Variants in LRP2 observed in about 807,000 individuals in gnomAD.
LRP2 encodes low-density lipoprotein receptor-related protein 2.
LRP2 carries 172 observed loss-of-function variants against 531.0 expected under a neutral mutation model. The observed-to-expected ratio is 0.32, with a 90% CI of 0.29 to 0.37. The LOEUF (loss-of-function observed/expected upper bound fraction) is 0.37. Among genes scored for constraint, LRP2 ranks in the 10% least tolerant of loss-of-function variants. The pLI, the probability that LRP2 is intolerant of heterozygous loss-of-function variation, is 1.00. For synonymous variants in LRP2, 1,992 were observed against 2,027.6 expected, an observed-to-expected ratio of 0.98 and a Z score of 0.47; for missense variants, 5,167 against 5,868.3, an observed-to-expected ratio of 0.88 and a Z score of 3.90.
In LRP2 at chr2:169,202,764, C is replaced by G; in HGVS notation, c.8201G>C (p.Ser2734Thr). 6.2e-7 allele frequency: 1 copy of G among 1,614,214 alleles called. No homozygotes were observed. The highest frequency in any genetic ancestry group is 8.5e-7 in the Non-Finnish European group (1 of 1,180,036). The change falls in exon 43 of 79, where the codon AGT becomes ACT. Residue 2734 changes from serine to threonine, a missense_variant. Coordinates refer to ENST00000649046, the MANE Select transcript of LRP2 (RefSeq NM_004525.3). The part of the protein sequence containing the change: ...DCGDGSDEME[S>T]VCALHTCSPT... Reference sequence around the variant, plus strand: ...CCAAGAGTCCAACTCACCACAGACACTTTCCATCTCATCACTGCCATCCCC... The same window carrying G: ...CCAAGAGTCCAACTCACCACAGACAGTTTCCATCTCATCACTGCCATCCCC...
At chr2:169,331,994 TAGAC>T (rs997040959) in intron 1 of LRP2, among the ~76,000 whole-genome samples, 3 of 152,242 alleles carry the variant, frequency 2.0e-5, no homozygotes, top group African/African-American at 4.8e-5. Context: ...CTAGCATTGA[TAGAC>T]AGCATCAAAT....
At chr2:169,312,346 G>T (rs867355437) in intron 3 of LRP2, among the ~76,000 whole-genome samples, 3 of 152,154 alleles carry the variant, frequency 2.0e-5, no homozygotes, top group Admixed American at 6.5e-5. Context: ...GGTACCAGTT[G>T]TTCCTTTCCA....
rs866804038 is a variant in LRP2 at position 169,360,153 on chromosome 2, G to A, written c.79+2168C>T. Among the ~76,000 whole-genome samples the A allele has an allele frequency of 2.3e-3, 305 of 131,796 alleles. 1 individual carries two copies. The highest frequency in any genetic ancestry group is 7.7e-3 in the Middle Eastern group (2 of 260). 86.5% of individuals were successfully genotyped at this position (131,796 alleles called of 152,430 possible). ...CAAAAAAAAAAAAAAAAAAAAGAGAGAGAGAGAGAGAGAAAACCAGACACT... is the reference window on the plus strand; with the variant it reads ...CAAAAAAAAAAAAAAAAAAAAGAGAAAGAGAGAGAGAGAAAACCAGACACT... On this transcript the variant is annotated intron_variant, in intron 1 of 78. Transcript: ENST00000649046.
chr2:169,248,358 T>A (rs184305634), intron 19 of LRP2, among the ~76,000 whole-genome samples: 1 of 152,370 alleles, frequency 6.6e-6, no homozygotes, highest in African/African-American at 2.4e-5. Flanking sequence ...AAATTTTATT[T>A]GACCAATTTC....
chr2:169,138,806 C>T (rs1685613766), intron 74 of LRP2, 100 bp from the exon 75 acceptor site: 2 of 1,318,290 alleles, frequency 1.5e-6, no homozygotes, highest in Non-Finnish European at 2.2e-6. Flanking sequence ...CTCCACATTG[C>T]CAAATCTTCC....
intron 1 of LRP2, among the ~76,000 whole-genome samples, chr2:169,353,465 C>A (rs1446441977): frequency 9.2e-5 from 14 of 152,134 alleles, no homozygotes; most frequent in Admixed American, 9.2e-4. Flanking sequence ...TTTTTACTCA[C>A]ATAAGCCAAG....
At chr2:169,320,710 A>G (rs1026550847) in intron 2 of LRP2, 67 bp downstream of exon 2, 25 of 1,300,778 alleles carry the variant, frequency 1.9e-5, no homozygotes, top group Non-Finnish European at 2.5e-5. Context: ...TCTTTGTTAC[A>G]GCTGAAATCA....
chr2:169,274,715 A>C (rs1683506852), intron 14 of LRP2, among the ~76,000 whole-genome samples: 1 of 152,180 alleles, frequency 6.6e-6, no homozygotes, highest in Non-Finnish European at 1.5e-5. Flanking sequence ...CTTTCCCAGT[A>C]GAATGAGGAT....
At chr2:169,203,808 A>T (rs1474771070) in intron 42 of LRP2, among the ~76,000 whole-genome samples, 174 bp downstream of exon 42, 1 of 152,212 alleles carries the variant, frequency 6.6e-6, no homozygotes, top group Non-Finnish European at 1.5e-5. Context: ...TATAGATTAG[A>T]AAAGAAGCCT....
At chr2:169,145,956 G>T (rs756398180) in intron 69 of LRP2, 33 bp from the exon 70 acceptor site, 45 of 1,609,922 alleles carry the variant, frequency 2.8e-5, no homozygotes, top group Non-Finnish European at 3.6e-5. Flanking sequence ...CAAAACAGAA[G>T]GTTATTGAAA....
chr2:169,317,932 C>T (rs1383098349), intron 3 of LRP2, among the ~76,000 whole-genome samples: 1 of 151,964 alleles, frequency 6.6e-6, no homozygotes, highest in Non-Finnish European at 1.5e-5. Flanking sequence ...TAAAAATTAG[C>T]TGGGCATGGT....
At chr2:169,166,206 A>G in intron 61 of LRP2, 152 bp from the exon 62 acceptor site, 2 of 750,438 alleles carry the variant, frequency 2.7e-6, no homozygotes, top group Non-Finnish European at 4.6e-6. Context: ...CCTTACATGT[A>G]TAGTACACAC....
In LRP2 at chr2:169,294,278, A is replaced by G. The variant is rs142600221; in HGVS notation, c.539-17T>C. 2.1e-6 allele frequency: 3 copies of G among 1,422,532 alleles called. No individual in the cohort carries two copies. Among genetic ancestry groups the G allele is most frequent in the East Asian group, 2.3e-5 (1 of 43,976 alleles). The allele number at this position is 1,422,532 out of a possible 1,614,324, so 88.1% of individuals were successfully genotyped here. A position where few individuals can be genotyped will look rare whatever the true frequency, so the allele number is the denominator to read the frequency against. ...ATATCTCAGCTGCAACAGAAAGTTA[A>G]GAAGGGAAAGAAAAGAGAGAAGTTA... is the stretch of plus-strand genomic sequence containing the variant. On this transcript the variant is annotated splice_polypyrimidine_tract_variant and intron_variant, in intron 5 of 78. Transcript: ENST00000649046.
Position 169,233,519 on chromosome 2 carries a change from G to A in LRP2, c.4990C>T (p.Arg1664Trp), listed in dbSNP as rs141693781. 114 of 1,613,934 alleles carry A rather than the reference G, an allele frequency of 7.1e-5. No homozygotes were observed. In the South Asian group the frequency reaches 8.6e-4, roughly 12 times the overall value. The change falls in exon 30 of 79, where the codon CGG becomes TGG. Residue 1664 changes from arginine to tryptophan, a missense_variant. Coordinates refer to ENST00000649046, the MANE Select transcript of LRP2 (RefSeq NM_004525.3). ...SVYWTDRATRRVMRANKWHGG... is the reference protein window; with the variant it reads ...SVYWTDRATRWVMRANKWHGG... ...TGCCACTTGTTGGCTCGCATAACCC[G>A]ACGAGTAGCACGGTCAGTCCAGTAC...
chr2:169,155,265 A>G (rs931419379), intron 65 of LRP2, among the ~76,000 whole-genome samples: 4 of 152,308 alleles, frequency 2.6e-5, no homozygotes, highest in African/African-American at 7.2e-5. Context: ...TTCATTTTAT[A>G]TATTTCCTCT....
At chr2:169,229,399 C>A (rs1488190517) in intron 31 of LRP2, among the ~76,000 whole-genome samples, 4 of 152,152 alleles carry the variant, frequency 2.6e-5, no homozygotes, top group Non-Finnish European at 5.9e-5. Flanking sequence ...TTAAGTCATA[C>A]CCTGCACAAG....
chr2:169,212,728 C>T (rs1688636850), intron 36 of LRP2, among the ~76,000 whole-genome samples: 1 of 137,750 alleles, frequency 7.3e-6, no homozygotes, highest in Non-Finnish European at 1.5e-5. Flanking sequence ...TATGAGGACA[C>T]AAAGGCCTAA....
chr2:169,310,294 T>G (rs1684556269), intron 3 of LRP2, among the ~76,000 whole-genome samples: 1 of 152,012 alleles, frequency 6.6e-6, no homozygotes, highest in Non-Finnish European at 1.5e-5. Flanking sequence ...TCAAAGGGAA[T>G]GCTCCCAGTT....
chr2:169,285,261 A>C (rs944560951), intron 9 of LRP2, among the ~76,000 whole-genome samples: 2 of 151,496 alleles, frequency 1.3e-5, no homozygotes, highest in African/African-American at 4.8e-5. Flanking sequence ...ATGCCACTGC[A>C]CTCCAGCCTG....
Sources: gnomAD v4.1 joint callset for allele counts (sites outside exome capture counted in the v4.1 genomes callset) on GRCh38, gnomAD v4.1.1 for gene constraint, MANE v1.5 for transcripts, NCBI Gene and HGNC (gene_info 2026-07-23, HGNC 2026-07-21) for gene names.